ACTR3C: variants seen among roughly 807,000 people sequenced by gnomAD.
ACTR3C encodes the protein actin-related protein 3C.
ACTR3C carries 18 observed loss-of-function variants against 26.3 expected under a neutral mutation model. That is an observed-to-expected ratio of 0.68 (90% CI 0.47 to 1.01). ACTR3C has a LOEUF of 1.01. ACTR3C is among the 50% of genes least tolerant of loss of function. The pLI is 0.00. For synonymous variants in ACTR3C, 55 were observed against 94.5 expected (o/e 0.58, Z 2.42); for missense variants, 184 against 250.7 (o/e 0.73, Z 1.80).
At chr7:150,252,851 T>C (rs1398867111) in intron 6 of ACTR3C, among the ~76,000 whole-genome samples, 1 of 152,192 alleles carries the variant, frequency 6.6e-6, no homozygotes, top group South Asian at 2.1e-4. Flanking sequence ...AATGCCTGTG[T>C]GTTTATTGTT....
At chr7:149,914,005 C>T in the ACTR3C span, among the ~76,000 whole-genome samples, 1 of 151,652 alleles carries the variant, frequency 6.6e-6, no homozygotes, top group African/African-American at 2.4e-5. Flanking sequence ...CCCACTTCAG[C>T]CTCCCAAGTA....
the ACTR3C span, among the ~76,000 whole-genome samples, chr7:150,045,564 G>GGA: frequency 8.7e-6 from 1 of 115,244 alleles, no homozygotes; most frequent in African/African-American, 3.2e-5. Context: ...GTATTTTCCA[G>GGA]AAAAAAAAAA....
the ACTR3C span, among the ~76,000 whole-genome samples, chr7:150,224,791 T>C: frequency 6.6e-6 from 1 of 152,250 alleles, no homozygotes; most frequent in African/African-American, 2.4e-5. Flanking sequence ...AGCGTTTGCA[T>C]ACATTTTTAA....
chr7:150,304,541 T>C (rs1275162528), intron 1 of ACTR3C, among the ~76,000 whole-genome samples: 1 of 152,304 alleles, frequency 6.6e-6, no homozygotes, highest in East Asian at 1.9e-4. Context: ...GCTCCTCGGC[T>C]TCTTTACCTG....
chr7:150,108,758 G>T, the ACTR3C span, among the ~76,000 whole-genome samples: 1 of 150,610 alleles, frequency 6.6e-6, no homozygotes, highest in Non-Finnish European at 1.5e-5. Flanking sequence ...AGGACTGAGA[G>T]AAAACAAATT....
At chr7:150,176,074 TA>T in the ACTR3C span, among the ~76,000 whole-genome samples, 1 of 150,658 alleles carries the variant, frequency 6.6e-6, no homozygotes. Context: ...TATACTACGT[TA>T]AGAGTATCAA....
chr7:150,149,573 C>G, the ACTR3C span, among the ~76,000 whole-genome samples: 43 of 148,000 alleles, frequency 2.9e-4, no homozygotes, highest in Admixed American at 6.9e-4. Flanking sequence ...CAATTCCCAC[C>G]TATGAGTGAG....
In ACTR3C at chr7:150,274,271, G is replaced by A. The variant is rs1834679391; in HGVS notation, c.564+10482C>T. ...TACCAACTGAAGGTTTGAGGAAACG[G>A]CACCAAGCAGGTCTGTCAGCGCCAT... On this transcript the variant is annotated intron_variant, in intron 6 of 7. Transcript: ENST00000683684. The surrounding 1 kb of genome is among the most constrained non-coding windows in gnomAD (Gnocchi z 4.1). Among the ~76,000 whole-genome samples, 2 of 152,144 alleles carry A rather than the reference G, an allele frequency of 1.3e-5. No individual in the cohort carries two copies. Among genetic ancestry groups the A allele is most frequent in the Admixed American group, 6.5e-5 (1 of 15,276 alleles).
chr7:150,320,453 T>C (rs986134020), intron 1 of ACTR3C, among the ~76,000 whole-genome samples: 4 of 152,196 alleles, frequency 2.6e-5, no homozygotes, highest in Non-Finnish European at 4.4e-5. Context: ...GAGCAAAATA[T>C]AGTTTAAATT....
At chr7:150,233,362 GT>G in the ACTR3C span, among the ~76,000 whole-genome samples, 1 of 149,016 alleles carries the variant, frequency 6.7e-6, no homozygotes, top group Non-Finnish European at 1.5e-5. Context: ...TTTGTCTTTG[GT>G]TTTCTGAAGT....
the ACTR3C span, among the ~76,000 whole-genome samples, chr7:150,003,930 G>A: frequency 1.3e-4 from 20 of 151,528 alleles, no homozygotes; most frequent in African/African-American, 4.1e-4. Context: ...TGGTATGTAG[G>A]TTGTGTGGCA....
At chr7:149,952,462 T>C in the ACTR3C span, among the ~76,000 whole-genome samples, 1 of 147,248 alleles carries the variant, frequency 6.8e-6, no homozygotes. Flanking sequence ...TTGAAAAGAT[T>C]GGTAAATTTG....
chr7:150,238,229 G>A, the ACTR3C span, among the ~76,000 whole-genome samples: 1 of 139,528 alleles, frequency 7.2e-6, no homozygotes, highest in Non-Finnish European at 1.5e-5. Flanking sequence ...AGAATGAAGA[G>A]AAATTAGTTT....
the ACTR3C span, among the ~76,000 whole-genome samples, chr7:150,214,475 G>A: frequency 6.6e-6 from 1 of 151,904 alleles, no homozygotes; most frequent in Non-Finnish European, 1.5e-5. Flanking sequence ...ACAGAGGAGA[G>A]ACTCATTAAA....
the ACTR3C span, among the ~76,000 whole-genome samples, chr7:149,937,143 G>A: frequency 3.4e-5 from 5 of 147,112 alleles, no homozygotes; most frequent in African/African-American, 5.0e-5. Context: ...TAGTGCTGTC[G>A]GGAAGATCAG....
At chr7:150,251,659 T>C (rs1337347014) in intron 6 of ACTR3C, among the ~76,000 whole-genome samples, 1 of 152,082 alleles carries the variant, frequency 6.6e-6, no homozygotes, top group East Asian at 1.9e-4. Flanking sequence ...TACATTTTCT[T>C]AAGTATAGGC....
At chr7:149,940,884 T>A in the ACTR3C span, among the ~76,000 whole-genome samples, 41,301 of 150,222 alleles carry the variant, frequency 0.27, 6,321 homozygotes, top group South Asian at 0.38. Flanking sequence ...CCTGCTCAGA[T>A]GGCTCTGTGA....
chr7:149,897,948 A>C, the ACTR3C span, among the ~76,000 whole-genome samples: 1 of 152,214 alleles, frequency 6.6e-6, no homozygotes, highest in African/African-American at 2.4e-5. Flanking sequence ...ACAGGATAAA[A>C]AGGTGAAAAG....
chr7:150,285,936 G>C (rs1309787877), intron 5 of ACTR3C, among the ~76,000 whole-genome samples: 1 of 152,088 alleles, frequency 6.6e-6, no homozygotes, highest in African/African-American at 2.4e-5. Context: ...AACAGAGCAG[G>C]ACCAACTGTC....
Sources: gnomAD v4.1 joint callset for allele counts (sites outside exome capture counted in the v4.1 genomes callset) on GRCh38, gnomAD v4.1.1 for gene constraint, Gnocchi (gnomAD v3.1) non-coding constraint, MANE v1.5 for transcripts, NCBI Gene and HGNC (gene_info 2026-07-23, HGNC 2026-07-21) for gene names.